ELAVL1: variants seen among roughly 807,000 people sequenced by gnomAD.
ELAVL1 encodes the protein ELAV-like protein 1.
In ELAVL1, 1 loss-of-function variant was observed where a neutral mutation model predicts 28.4. The observed-to-expected ratio is 0.04, with a 90% CI of 0.01 to 0.17. ELAVL1 has a LOEUF of 0.17. Ranked by LOEUF, ELAVL1 falls within the 10% of genes least tolerant of loss-of-function variation. The pLI is 1.00. For synonymous variants in ELAVL1, 174 were observed against 183.5 expected (o/e 0.95, Z 0.42); for missense variants, 157 against 447.2 (o/e 0.35, Z 5.85).
chr19:7,987,121 G>GA (rs1555712395), intron 2 of ELAVL1, among the ~76,000 whole-genome samples: 6 of 149,742 alleles, frequency 4.0e-5, no homozygotes, highest in Admixed American at 6.6e-5. Flanking sequence ...GGTGCCGGGG[G>GA]GGGGGGAGGG....
rs1387361780 is a variant in ELAVL1, at chr19:8,001,105, C to T, written c.-17+4390G>A. 2.0e-5 allele frequency among the ~76,000 whole-genome samples: 3 copies of T among 152,304 alleles called. No homozygotes were observed. The East Asian group carries it at 5.8e-4, about 29-fold the overall frequency. On this transcript the variant is annotated intron_variant, in intron 1 of 5. Coordinates refer to ENST00000407627, the MANE Select transcript of ELAVL1 (RefSeq NM_001419.3). ...CTTCAGCTTCCTCCACTGGGGATGT[C>T]ACCCCTTGCTCCACAGTGCCTGGTA... is the stretch of plus-strand genomic sequence containing the variant.
In ELAVL1 at chr19:7,979,944, C is replaced by A. The variant is rs905288235; in HGVS notation, c.276+1139G>T. 6.6e-6 allele frequency among the ~76,000 whole-genome samples: 1 copy of A among 152,180 alleles called. No individual in the cohort carries two copies. Among genetic ancestry groups the A allele is most frequent in the South Asian group, 2.1e-4 (1 of 4,826 alleles). On this transcript the variant is annotated intron_variant, in intron 3 of 5. Coordinates refer to ENST00000407627, the MANE Select transcript of ELAVL1 (RefSeq NM_001419.3). This position sits in a 1 kb window ranked among gnomAD's most constrained non-coding sequence, Gnocchi z 5.4. ...CAAAAATCCAGGCTCCCAGGCCCAC[C>A]CTGCAGTGACTCAGGAGGCCCCCCT...
chr19:7,999,316 T>C (rs2081059517), intron 1 of ELAVL1, among the ~76,000 whole-genome samples: 1 of 152,182 alleles, frequency 6.6e-6, no homozygotes. Flanking sequence ...GAGGTTGCAG[T>C]GAGTCAAAAT....
intron 1 of ELAVL1, among the ~76,000 whole-genome samples, chr19:7,997,898 C>T (rs1055118479): frequency 6.6e-6 from 1 of 152,126 alleles, no homozygotes; most frequent in Non-Finnish European, 1.5e-5. Context: ...CTGCAGTTAG[C>T]TATGATTGTG....
chr19:8,000,280 T>C (rs965297474), intron 1 of ELAVL1, among the ~76,000 whole-genome samples: 3 of 152,200 alleles, frequency 2.0e-5, no homozygotes, highest in Non-Finnish European at 4.4e-5. Flanking sequence ...CAATGCACTA[T>C]TTTAAACAAT....
intron 4 of ELAVL1, among the ~76,000 whole-genome samples, chr19:7,969,461 A>G (rs1985044086): frequency 6.6e-6 from 1 of 152,150 alleles, no homozygotes; most frequent in African/African-American, 2.4e-5. Context: ...GCACAGAGAC[A>G]GCAGCTTTAG....
At chr19:7,971,021 C>A (rs1331550113) in intron 4 of ELAVL1, among the ~76,000 whole-genome samples, 1 of 152,166 alleles carries the variant, frequency 6.6e-6, no homozygotes, top group African/African-American at 2.4e-5. Flanking sequence ...GAAGCAGAGC[C>A]GGGAGACCCT....
intron 1 of ELAVL1, among the ~76,000 whole-genome samples, chr19:7,997,170 A>C (rs911289398): frequency 6.6e-6 from 1 of 152,222 alleles, no homozygotes; most frequent in African/African-American, 2.4e-5. Context: ...TACACTTAGC[A>C]TGGGATCCAG....
At chr19:7,977,653 G>A (rs1301206549) in intron 3 of ELAVL1, among the ~76,000 whole-genome samples, 2 of 152,348 alleles carry the variant, frequency 1.3e-5, no homozygotes, top group South Asian at 2.1e-4. Flanking sequence ...AAGATAGATA[G>A]GGATGAGGAG....
intron 4 of ELAVL1, among the ~76,000 whole-genome samples, chr19:7,969,069 T>C (rs1384888064): frequency 6.6e-6 from 1 of 152,174 alleles, no homozygotes; most frequent in Non-Finnish European, 1.5e-5. Context: ...ACACCCTGGT[T>C]CTCAAGACTT....
chr19:7,987,566 C>G lies in ELAVL1; in HGVS notation c.172+4078G>C, dbSNP rs140021450. On this transcript the variant is annotated intron_variant, in intron 2 of 5. Transcript: ENST00000407627. ...TCTTGAGAGCAGCACATGGGGCAGTCCCTTCCTCCCAGCCATCATCACGCC... is the reference window on the plus strand; with the variant it reads ...TCTTGAGAGCAGCACATGGGGCAGTGCCTTCCTCCCAGCCATCATCACGCC... 1.8e-3 allele frequency among the ~76,000 whole-genome samples: 280 copies of G among 152,310 alleles called. 1 individual carries two copies. The highest frequency in any genetic ancestry group is 6.5e-3 in the African/African-American group (269 of 41,578).
At chr19:7,998,379 A>G (rs1472407420) in intron 1 of ELAVL1, among the ~76,000 whole-genome samples, 6 of 152,188 alleles carry the variant, frequency 3.9e-5, no homozygotes, top group Non-Finnish European at 7.3e-5. Flanking sequence ...GTCACCACCC[A>G]TTGAGGCTCG....
rs756212952 is a variant in ELAVL1, at chr19:7,967,611, C to A, written c.610G>T (p.Ala204Ser). ...ALLSQLYHSP[A>S]RRFGGPVHHQ... ...TGAACGGGGCCTCCGAACCGTCGCG[C>A]TGGCGAGTGGTACAGCTGCGAGAGG... is the stretch of plus-strand genomic sequence containing the variant. The change falls in exon 5 of 6, where the codon GCG becomes TCG. Residue 204 changes from alanine to serine, a missense_variant. Coordinates refer to ENST00000407627, the MANE Select transcript of ELAVL1 (RefSeq NM_001419.3). The A allele has an allele frequency of 6.2e-7, 1 of 1,614,194 alleles. No homozygotes were observed. The highest frequency in any genetic ancestry group is 1.1e-5 in the South Asian group (1 of 91,082).
At position 7,969,524 on chromosome 19, in the gene ELAVL1, GC is replaced by G. The variant is rs1251021830; in HGVS notation, c.431-1735del. Among the ~76,000 whole-genome samples, 3 of 152,326 alleles carry G rather than the reference GC, an allele frequency of 2.0e-5. No individual in the cohort carries two copies. In the East Asian group the frequency reaches 5.8e-4, roughly 29 times the overall value. Reference sequence around the variant, plus strand: ...GTGCCAGGAATATTCTGGGGCTCAAGCTCATTTCTGAGCTGCTGCTCAGAAG... The same window carrying G: ...GTGCCAGGAATATTCTGGGGCTCAAGTCATTTCTGAGCTGCTGCTCAGAAG... On this transcript the variant is annotated intron_variant, in intron 4 of 5. Coordinates refer to ENST00000407627, the MANE Select transcript of ELAVL1 (RefSeq NM_001419.3).
At chr19:7,965,669 A>T (rs567084451) in intron 5 of ELAVL1, among the ~76,000 whole-genome samples, 1 of 152,166 alleles carries the variant, frequency 6.6e-6, no homozygotes, top group East Asian at 1.9e-4. Flanking sequence ...GCTCGACCAG[A>T]AATGTCCACT....
chr19:7,974,696 T>C (rs1285224672), intron 3 of ELAVL1, among the ~76,000 whole-genome samples: 1 of 152,014 alleles, frequency 6.6e-6, no homozygotes, highest in East Asian at 1.9e-4. Context: ...GAGCAGGAGA[T>C]GTGTTCCCGA....
rs1014994226 is a variant in ELAVL1, at chr19:7,979,403, A to C, written c.276+1680T>G. 6.6e-6 allele frequency among the ~76,000 whole-genome samples: 1 copy of C among 152,208 alleles called. No individual in the cohort carries two copies. On this transcript the variant is annotated intron_variant, in intron 3 of 5. Transcript: ENST00000407627. This position sits in a 1 kb window ranked among gnomAD's most constrained non-coding sequence, Gnocchi z 5.4. ...TTTCCCACCAACATCAATCCTAGAG[A>C]GGCAAGACAGTCCTGTTTACACACT...
chr19:8,001,300 C>T (rs894391658), intron 1 of ELAVL1, among the ~76,000 whole-genome samples: 5 of 152,164 alleles, frequency 3.3e-5, no homozygotes, highest in Admixed American at 1.3e-4. Flanking sequence ...TGGCATAGCC[C>T]CACCTGTCCC....
At position 7,991,684 on chromosome 19, in the gene ELAVL1, A is replaced by C. The variant is rs1437275404; in HGVS notation, c.132T>G (p.Gly44=). The C allele has an allele frequency of 6.2e-7, 1 of 1,612,964 alleles. No individual in the cohort carries two copies. ...DELRSLFSSI[G]EVESAKLIRD... ...GAATAAGTTTTGCAGATTCAACTTC[A>C]CCAATGCTGCTGAACAGGCTTCGTA... Residue 44 remains glycine (G), a synonymous_variant, in exon 2 of 6, where the codon GGT becomes GGG. Coordinates refer to ENST00000407627, the MANE Select transcript of ELAVL1 (RefSeq NM_001419.3).
Sources: allele counts gnomAD v4.1 joint callset (sites outside exome capture counted in the v4.1 genomes callset), GRCh38; gene constraint gnomAD v4.1.1; non-coding constraint Gnocchi (gnomAD v3.1); transcripts MANE v1.5; gene names NCBI Gene and HGNC (gene_info 2026-07-23, HGNC 2026-07-21).